ERC1: variants seen among roughly 807,000 people sequenced by gnomAD.
ERC1 encodes the protein RAB6 interacting protein 2.
A neutral mutation model predicts 132.0 loss-of-function variants in ERC1; 56 were observed. That is an observed-to-expected ratio of 0.42 (90% CI 0.34 to 0.53). The LOEUF is 0.53. Among genes scored for constraint, ERC1 ranks in the 20% least tolerant of loss-of-function variants. The pLI is 0.03. For missense variants in ERC1, 1,202 were observed against 1,349.9 expected (o/e 0.89, Z 1.72); for synonymous variants, 478 against 476.1 (o/e 1.00, Z -0.05).
intron 4 of ERC1, among the ~76,000 whole-genome samples, chr12:1,108,468 C>T (rs2154201299): frequency 6.6e-6 from 1 of 152,288 alleles, no homozygotes; most frequent in South Asian, 2.1e-4. Context: ...GTTTCATTAC[C>T]ACTCAGGCTG....
At chr12:1,316,520 C>G (rs2081740130) in intron 15 of ERC1, among the ~76,000 whole-genome samples, 1 of 152,076 alleles carries the variant, frequency 6.6e-6, no homozygotes, top group African/African-American at 2.4e-5. Flanking sequence ...AAAAATATCT[C>G]TGTGAAATAA....
In ERC1 at chr12:991,348, AGCGCGGAAGTC is replaced by A. The variant is rs1352943167; in HGVS notation, c.-157+33_-157+43del. The A allele has an allele frequency of 4.5e-3, 709 of 156,584 alleles. 4 individuals are homozygous for A. Among genetic ancestry groups the A allele is most frequent in the South Asian group, 0.011 (62 of 5,720 alleles). 9.7% of individuals were successfully genotyped at this position (156,584 alleles called of 1,614,324 possible). A position where few individuals can be genotyped will look rare whatever the true frequency, so the allele number is the denominator to read the frequency against. ...GTGAGACGGCCGCGGCGGCGGCGACAGCGCGGAAGTCGCGCGGGACCCAGAGCTTCCCCCCT... is the reference window on the plus strand; with the variant it reads ...GTGAGACGGCCGCGGCGGCGGCGACAGCGCGGGACCCAGAGCTTCCCCCCT... On this transcript the variant is annotated intron_variant, in intron 1 of 18. Coordinates refer to ENST00000360905, the MANE Select transcript of ERC1 (RefSeq NM_178040.4).
intron 2 of ERC1, among the ~76,000 whole-genome samples, chr12:1,054,667 C>T (rs564844847): frequency 2.0e-5 from 3 of 152,092 alleles, no homozygotes; most frequent in South Asian, 2.1e-4. Context: ...TGCATTCACT[C>T]GCACAAGGTG....
intron 3 of ERC1, among the ~76,000 whole-genome samples, chr12:1,093,570 C>T: frequency 6.6e-6 from 1 of 152,102 alleles, no homozygotes; most frequent in East Asian, 1.9e-4. Context: ...AGTATGTGCT[C>T]CTACTTACTT....
chr12:1,165,176 T>C (rs1231798523), intron 8 of ERC1, among the ~76,000 whole-genome samples: 2 of 152,336 alleles, frequency 1.3e-5, no homozygotes, highest in East Asian at 3.9e-4. Context: ...GCAATTCACC[T>C]TGGGTGAGAA....
intron 1 of ERC1, among the ~76,000 whole-genome samples, chr12:1,022,664 G>A (rs976202283): frequency 4.6e-5 from 7 of 152,040 alleles, no homozygotes; most frequent in African/African-American, 7.2e-5. Context: ...TCACGAGATC[G>A]ATTTTATTTT....
intron 8 of ERC1, among the ~76,000 whole-genome samples, chr12:1,162,031 A>G (rs928385201): frequency 1.3e-5 from 2 of 152,212 alleles, no homozygotes; most frequent in African/African-American, 2.4e-5. Context: ...AGTTAGTCAC[A>G]TACTGTGGAC....
chr12:1,125,034 G>A lies in ERC1; in HGVS notation c.1569+9001G>A, dbSNP rs368809318. On this transcript the variant is annotated intron_variant, in intron 7 of 18. Transcript: ENST00000360905. ...TTTGGAGACAGATTCTTGCTCTTTC[G>A]CCTAGGCCGGAGTGCAGTGGCACAA... Among the ~76,000 whole-genome samples the A allele has an allele frequency of 7.3e-5, 11 of 150,158 alleles. No homozygotes were observed. In the East Asian group the frequency reaches 7.8e-4, roughly 11 times the overall value.
In ERC1 at chr12:1,430,996, T is replaced by C. The variant is rs150009076; in HGVS notation, c.3025-13566T>C. Among the ~76,000 whole-genome samples, 29 of 152,332 alleles carry C rather than the reference T, an allele frequency of 1.9e-4. No homozygotes were observed. In the East Asian group the frequency reaches 5.6e-3, roughly 29 times the overall value. ...GAAATGTCCCAAATGGTTTCTAGTC[T>C]CTCTTGGTTGAGAAAATAGAGAACA... On this transcript the variant is annotated intron_variant, in intron 17 of 18. Coordinates refer to ENST00000360905, the MANE Select transcript of ERC1 (RefSeq NM_178040.4).
chr12:1,384,764 G>A (rs1031753110), intron 16 of ERC1, among the ~76,000 whole-genome samples: 2 of 152,164 alleles, frequency 1.3e-5, no homozygotes, highest in Non-Finnish European at 2.9e-5. Context: ...ATTTGTGGTA[G>A]TTGGTTTTCA....
chr12:1,244,884 T>C (rs948097333), intron 13 of ERC1: 2 of 154,394 alleles, frequency 1.3e-5, no homozygotes, highest in Admixed American at 1.3e-4. Context: ...TATTCAAAGG[T>C]CAGTTTTGCT....
intron 1 of ERC1, among the ~76,000 whole-genome samples, chr12:1,004,550 G>A (rs534067379): frequency 1.5e-3 from 228 of 151,674 alleles, no homozygotes; most frequent in African/African-American, 5.3e-3. Flanking sequence ...GGGATTACAG[G>A]TGCCCACCAC....
chr12:1,461,997 CAA>C (rs1323582919), intron 18 of ERC1, among the ~76,000 whole-genome samples: 1 of 152,032 alleles, frequency 6.6e-6, no homozygotes, highest in Non-Finnish European at 1.5e-5. Context: ...AAGTCAGTAA[CAA>C]AAGATATTTA....
chr12:1,189,821 G>C (rs879173597), intron 11 of ERC1, 38 bp from the exon 12 acceptor site: 1 of 1,533,292 alleles, frequency 6.5e-7, no homozygotes, highest in Non-Finnish European at 8.8e-7. Flanking sequence ...ATTGCCACCT[G>C]TGTGTATCTG....
intron 14 of ERC1, among the ~76,000 whole-genome samples, chr12:1,271,307 TAG>T (rs1364883704): frequency 6.6e-6 from 1 of 151,982 alleles, no homozygotes; most frequent in Non-Finnish European, 1.5e-5. Context: ...TAAAGAGAAA[TAG>T]ATAGATTTAA....
chr12:1,386,659 A>AAAAAAAC (rs2089403515), intron 16 of ERC1: 1 of 131,658 alleles, frequency 7.6e-6, no homozygotes, highest in Non-Finnish European at 1.7e-5. Flanking sequence ...CTCAAAAAAA[A>AAAAAAAC]AAAAAACATT....
At chr12:1,388,455 T>C (rs1041128844) in intron 16 of ERC1, among the ~76,000 whole-genome samples, 2 of 151,632 alleles carry the variant, frequency 1.3e-5, no homozygotes, top group African/African-American at 4.9e-5. Context: ...CATCCTGAGA[T>C]CAGGGAGCCA....
At chr12:1,143,329 CGTGTGTGTGTGTGTGT>C (rs4017792) in intron 8 of ERC1, among the ~76,000 whole-genome samples, 283 of 128,970 alleles carry the variant, frequency 2.2e-3, no homozygotes, top group African/African-American at 7.0e-3. Context: ...GCTTTTGACT[CGTGTGTGTGTGTGTGT>C]GTGTGTGTGT....
chr12:1,074,552 T>C (rs1403228845), intron 2 of ERC1, among the ~76,000 whole-genome samples: 1 of 152,160 alleles, frequency 6.6e-6, no homozygotes, highest in Non-Finnish European at 1.5e-5. Flanking sequence ...CACTTTGGCC[T>C]CCCAGAGTGC....
Sources: allele counts gnomAD v4.1 joint callset (sites outside exome capture counted in the v4.1 genomes callset), GRCh38; gene constraint gnomAD v4.1.1; transcripts MANE v1.5; gene names NCBI Gene and HGNC (gene_info 2026-07-23, HGNC 2026-07-21).